SHISA8: variants seen among roughly 807,000 people sequenced by gnomAD.
SHISA8 encodes the protein shisa family member 8.
A neutral mutation model predicts 21.1 loss-of-function variants in SHISA8; 21 were observed. That is an observed-to-expected ratio of 0.99 (90% CI 0.71 to 1.43). The LOEUF is 1.43. Among genes scored for constraint, SHISA8 ranks in the 40% most tolerant of loss-of-function variants. SHISA8 has a pLI of 0.00. For missense variants in SHISA8, 535 were observed against 599.1 expected (o/e 0.89, Z 1.12); for synonymous variants, 300 against 291.4 (o/e 1.03, Z -0.30).
chr22:41,912,972 C>A (rs1569417941), intron 1 of SHISA8, among the ~76,000 whole-genome samples: 2 of 152,256 alleles, frequency 1.3e-5, no homozygotes, highest in Non-Finnish European at 2.9e-5. Context: ...CTCTTCCAAG[C>A]TACCCTCACC....
chr22:41,910,366 G>A lies in SHISA8; in HGVS notation c.811+42C>T. The A allele has an allele frequency of 1.1e-6, 1 of 941,582 alleles. No homozygotes were observed. Among genetic ancestry groups the A allele is most frequent in the Non-Finnish European group, 1.3e-6 (1 of 746,674 alleles). The allele number at this position is 941,582 out of a possible 1,614,324, so 58.3% of individuals were successfully genotyped here. On this transcript the variant is annotated intron_variant, in intron 3 of 3. Transcript: ENST00000621082. This position sits in a 1 kb window ranked among gnomAD's most constrained non-coding sequence, Gnocchi z 6.8. Reference sequence around the variant, plus strand: ...CCCGCGCTTCGCAGTCCGGGAGCTCGTGCGCCCAGGTGCCCTGACGCTGCC... The same window carrying A: ...CCCGCGCTTCGCAGTCCGGGAGCTCATGCGCCCAGGTGCCCTGACGCTGCC...
intron 1 of SHISA8, among the ~76,000 whole-genome samples, chr22:41,912,943 G>C (rs1378818131): frequency 6.6e-6 from 1 of 152,200 alleles, no homozygotes; most frequent in Non-Finnish European, 1.5e-5. Flanking sequence ...CCCCGCCCCT[G>C]TCAAAGACAT....
At position 41,909,587 on chromosome 22, in the gene SHISA8, A is replaced by C; in HGVS notation, c.*178T>G. On this transcript the variant is annotated 3_prime_UTR_variant, in exon 4 of 4. Coordinates refer to ENST00000621082, the MANE Select transcript of SHISA8 (RefSeq NM_001207020.3). ...GGCTTCTTTATTCTCAGGGGCAGGA[A>C]CCACATAAAAGGGCTTATTTACAAG... 6.6e-6 allele frequency: 5 copies of C among 761,996 alleles called. No individual in the cohort carries two copies. The highest frequency in any genetic ancestry group is 9.2e-6 in the Non-Finnish European group (5 of 545,934). 47.2% of individuals were successfully genotyped at this position (761,996 alleles called of 1,614,324 possible). A position where few individuals can be genotyped will look rare whatever the true frequency, so the allele number is the denominator to read the frequency against.
At chr22:41,911,410 G>C in intron 1 of SHISA8, 61 bp from the exon 2 acceptor site, 3 of 1,234,460 alleles carry the variant, frequency 2.4e-6, no homozygotes, top group East Asian at 3.2e-5. Context: ...GCCAGCCCCG[G>C]CCACCACCGT....
chr22:41,915,074 TGGCTCCGGCTCC>T (rs750999426), upstream of SHISA8, among the ~76,000 whole-genome samples: 2 of 151,612 alleles, frequency 1.3e-5, no homozygotes, highest in Non-Finnish European at 1.5e-5. The surrounding 1 kb of genome is among the most constrained non-coding windows in gnomAD (Gnocchi z 5.0). Context: ...GCCCGCGCTC[TGGCTCCGGCTCC>T]GGCTCCGGCT....
In SHISA8 at chr22:41,910,463, C is replaced by A; in HGVS notation, c.756G>T (p.Leu252=). The part of the protein sequence containing the change: ...PRLQGGGSLT[L]QPDYAKYATF... ...TGGCGTACTTGGCGTAGTCTGGCTG[C>A]AGCGTCAGGCTGCCGCCGCCCTGCA... The change falls in exon 3 of 4, where the codon CTG becomes CTT. Residue 252 remains leucine, a synonymous_variant. Coordinates refer to ENST00000621082, the MANE Select transcript of SHISA8 (RefSeq NM_001207020.3). This position sits in a 1 kb window ranked among gnomAD's most constrained non-coding sequence, Gnocchi z 6.8. The A allele has an allele frequency of 7.7e-7, 1 of 1,303,678 alleles. No individual in the cohort carries two copies. The highest frequency in any genetic ancestry group is 3.8e-5 in the Admixed American group (1 of 26,066). The allele number at this position is 1,303,678 out of a possible 1,614,324, so 80.8% of individuals were successfully genotyped here. A position where few individuals can be genotyped will look rare whatever the true frequency, so the allele number is the denominator to read the frequency against.
chr22:41,914,267 C>T lies in SHISA8; in HGVS notation c.401G>A (p.Gly134Asp). The T allele has an allele frequency of 7.8e-7, 1 of 1,281,878 alleles. No homozygotes were observed. The highest frequency in any genetic ancestry group is 9.8e-7 in the Non-Finnish European group (1 of 1,019,464). 79.4% of individuals were successfully genotyped at this position (1,281,878 alleles called of 1,614,324 possible). Residue 134 changes from glycine to aspartate, a missense_variant, in exon 1 of 4, where the codon GGC becomes GAC. Coordinates refer to ENST00000621082, the MANE Select transcript of SHISA8 (RefSeq NM_001207020.3). The surrounding 1 kb of genome is among the most constrained non-coding windows in gnomAD (Gnocchi z 6.8). ...GACGGCCGTATGGCTGCGCTCGCGG[C>T]CGGGGTCCCGGGGCGCTGCGGTGTC... ...ARDTAAPRDPGRERSHTAVYA... is the reference protein window; with the variant it reads ...ARDTAAPRDPDRERSHTAVYA...
chr22:41,914,035 G>C lies in SHISA8; in HGVS notation c.530+103C>G. 8.2e-7 allele frequency: 1 copy of C among 1,224,708 alleles called. No homozygotes were observed. The allele number at this position is 1,224,708 out of a possible 1,614,324, so 75.9% of individuals were successfully genotyped here. A position where few individuals can be genotyped will look rare whatever the true frequency, so the allele number is the denominator to read the frequency against. ...AGGAGACAGGAAAACCCAGAGAAGG[G>C]GCCTGCTGGGAGAACCAGCGCTTCG... On this transcript the variant is annotated intron_variant, in intron 1 of 3. Transcript: ENST00000621082. This position sits in a 1 kb window ranked among gnomAD's most constrained non-coding sequence, Gnocchi z 6.8.
intron 1 of SHISA8, among the ~76,000 whole-genome samples, chr22:41,911,566 G>A (rs1397058076): frequency 6.6e-6 from 1 of 152,120 alleles, no homozygotes; most frequent in Non-Finnish European, 1.5e-5. Context: ...AGCAGGTCAG[G>A]AAACTCTAAT....
intron 1 of SHISA8, among the ~76,000 whole-genome samples, chr22:41,912,454 C>T (rs947877114): frequency 2.6e-5 from 4 of 152,184 alleles, no homozygotes; most frequent in East Asian, 3.9e-4. Flanking sequence ...GCTGACCTTC[C>T]TGCCCTGCCC....
chr22:41,911,388 A>G lies in SHISA8; in HGVS notation c.531-39T>C, dbSNP rs2077552762. The G allele has an allele frequency of 2.4e-6, 3 of 1,232,796 alleles. No homozygotes were observed. In the African/African-American group the frequency reaches 4.7e-5, roughly 19 times the overall value. 76.4% of individuals were successfully genotyped at this position (1,232,796 alleles called of 1,614,324 possible). A position where few individuals can be genotyped will look rare whatever the true frequency, so the allele number is the denominator to read the frequency against. On this transcript the variant is annotated intron_variant, in intron 1 of 3. Transcript: ENST00000621082. ...AGTCAGGGGTGGCCCTCTGTCTCCCACCTCATCAAAAGCCAGCCCCGGCCA... is the reference window on the plus strand; with the variant it reads ...AGTCAGGGGTGGCCCTCTGTCTCCCGCCTCATCAAAAGCCAGCCCCGGCCA...
chr22:41,910,358 G>A lies in SHISA8; in HGVS notation c.811+50C>T, dbSNP rs186227450. 46 of 1,266,984 alleles carry A rather than the reference G, an allele frequency of 3.6e-5. No homozygotes were observed. The highest frequency in any genetic ancestry group is 4.5e-5 in the Non-Finnish European group (45 of 1,007,976). The allele number at this position is 1,266,984 out of a possible 1,614,324, so 78.5% of individuals were successfully genotyped here. ...GCTGCGGCCCCGCGCTTCGCAGTCCGGGAGCTCGTGCGCCCAGGTGCCCTG... is the reference window on the plus strand; with the variant it reads ...GCTGCGGCCCCGCGCTTCGCAGTCCAGGAGCTCGTGCGCCCAGGTGCCCTG... On this transcript the variant is annotated intron_variant, in intron 3 of 3. Coordinates refer to ENST00000621082, the MANE Select transcript of SHISA8 (RefSeq NM_001207020.3). The surrounding 1 kb of genome is among the most constrained non-coding windows in gnomAD (Gnocchi z 6.8).
chr22:41,914,292 C>A lies in SHISA8; in HGVS notation c.376G>T (p.Asp126Tyr). Reference sequence around the variant, plus strand: ...CCGGGGTCCCGGGGCGCTGCGGTGTCGCGGGCGCGGGCGGGCGGCCGGCCT... The same window carrying A: ...CCGGGGTCCCGGGGCGCTGCGGTGTAGCGGGCGCGGGCGGGCGGCCGGCCT... ...QTGRPPARAR[D>Y]TAAPRDPGRE... is the part of the protein sequence containing the mutation. Residue 126 changes from aspartate (D) to tyrosine (Y), a missense_variant, in exon 1 of 4, where the codon GAC (aspartate) becomes TAC (tyrosine). Coordinates refer to ENST00000621082, the MANE Select transcript of SHISA8 (RefSeq NM_001207020.3). The surrounding 1 kb of genome is among the most constrained non-coding windows in gnomAD (Gnocchi z 6.8). 1 of 1,253,126 alleles carries A rather than the reference C, an allele frequency of 8.0e-7. No homozygotes were observed. The highest frequency in any genetic ancestry group is 3.2e-5 in the South Asian group (1 of 30,794). The allele number at this position is 1,253,126 out of a possible 1,614,324, so 77.6% of individuals were successfully genotyped here.
rs2077541473 is a variant in SHISA8, at chr22:41,910,398, C to A, written c.811+10G>T. On this transcript the variant is annotated intron_variant, in intron 3 of 3. Coordinates refer to ENST00000621082, the MANE Select transcript of SHISA8 (RefSeq NM_001207020.3). This position sits in a 1 kb window ranked among gnomAD's most constrained non-coding sequence, Gnocchi z 6.8. ...CAGGTGCCCTGACGCTGCCCGCACCCGCCACTCACCTGCGGCCTTGAGCGC... is the reference window on the plus strand; with the variant it reads ...CAGGTGCCCTGACGCTGCCCGCACCAGCCACTCACCTGCGGCCTTGAGCGC... The A allele has an allele frequency of 7.6e-7, 1 of 1,316,548 alleles. No homozygotes were observed. The allele number at this position is 1,316,548 out of a possible 1,614,324, so 81.6% of individuals were successfully genotyped here.
chr22:41,910,589 G>T lies in SHISA8; in HGVS notation c.665-35C>A. 1 of 1,218,224 alleles carries T rather than the reference G, an allele frequency of 8.2e-7. No homozygotes were observed. The highest frequency in any genetic ancestry group is 1.0e-6 in the Non-Finnish European group (1 of 978,610). 75.5% of individuals were successfully genotyped at this position (1,218,224 alleles called of 1,614,324 possible). The stretch of plus-strand genomic sequence containing the variant: ...GGAGTGAGACGCGGCTCGGTCCGAT[G>T]CCCCGGTTCACTCCGCCCTCGCTGT... On this transcript the variant is annotated intron_variant, in intron 2 of 3. Transcript: ENST00000621082. The surrounding 1 kb of genome is among the most constrained non-coding windows in gnomAD (Gnocchi z 6.8).
At chr22:41,913,950 G>C (rs2077567430) in intron 1 of SHISA8, among the ~76,000 whole-genome samples, 188 bp downstream of exon 1, 1 of 151,952 alleles carries the variant, frequency 6.6e-6, no homozygotes, top group Non-Finnish European at 1.5e-5. Context: ...AAGGTCAAAG[G>C]GAGTCAGGGC....
chr22:41,911,236 C>A lies in SHISA8; in HGVS notation c.644G>T (p.Gly215Val). Reference sequence around the variant, plus strand: ...CTCACCTGCGCTGTTGTGGGGGGAGCCCCGGGGGAGGCCGTCCCCCATCTG... The same window carrying A: ...CTCACCTGCGCTGTTGTGGGGGGAGACCCGGGGGAGGCCGTCCCCCATCTG... ...QVQMGDGLPR[G>V]SPHNSADKKR... Residue 215 changes from glycine to valine, a missense_variant, in exon 2 of 4, where the codon GGC becomes GTC. Gly to Val is a moderately radical substitution (Grantham distance 109, BLOSUM62 -3). Transcript: ENST00000621082. 1 of 1,281,156 alleles carries A rather than the reference C, an allele frequency of 7.8e-7. No homozygotes were observed. The highest frequency in any genetic ancestry group is 9.9e-7 in the Non-Finnish European group (1 of 1,014,470). 79.4% of individuals were successfully genotyped at this position (1,281,156 alleles called of 1,614,324 possible). A position where few individuals can be genotyped will look rare whatever the true frequency, so the allele number is the denominator to read the frequency against.
At position 41,910,368 on chromosome 22, in the gene SHISA8, G is replaced by A; in HGVS notation, c.811+40C>T. The stretch of plus-strand genomic sequence containing the variant: ...CGCGCTTCGCAGTCCGGGAGCTCGT[G>A]CGCCCAGGTGCCCTGACGCTGCCCG... On this transcript the variant is annotated intron_variant, in intron 3 of 3. Transcript: ENST00000621082. This position sits in a 1 kb window ranked among gnomAD's most constrained non-coding sequence, Gnocchi z 6.8. 1 of 942,658 alleles carries A rather than the reference G, an allele frequency of 1.1e-6. No individual in the cohort carries two copies. The allele number at this position is 942,658 out of a possible 1,614,324, so 58.4% of individuals were successfully genotyped here.
Position 41,914,115 on chromosome 22 carries a change from G to T in SHISA8, c.530+23C>A, listed in dbSNP as rs929003992. 382 of 1,386,564 alleles carry T rather than the reference G, an allele frequency of 2.8e-4. No homozygotes were observed. The highest frequency in any genetic ancestry group is 3.3e-4 in the Non-Finnish European group (361 of 1,079,410). The allele number at this position is 1,386,564 out of a possible 1,614,324, so 85.9% of individuals were successfully genotyped here. ...AGAGCAGTCCGAGGAGCAGGCGGGG[G>T]TCCCTGGGCGGCGCGTGCTCACCTG... On this transcript the variant is annotated intron_variant, in intron 1 of 3. Coordinates refer to ENST00000621082, the MANE Select transcript of SHISA8 (RefSeq NM_001207020.3). The surrounding 1 kb of genome is among the most constrained non-coding windows in gnomAD (Gnocchi z 6.8).
Sources: gnomAD v4.1 joint callset for allele counts (sites outside exome capture counted in the v4.1 genomes callset) on GRCh38, gnomAD v4.1.1 for gene constraint, Gnocchi (gnomAD v3.1) non-coding constraint, MANE v1.5 for transcripts, NCBI Gene and HGNC (gene_info 2026-07-23, HGNC 2026-07-21) for gene names.